CRY1: variants seen among roughly 807,000 people sequenced by gnomAD.
CRY1 encodes the protein cryptochrome circadian regulator 1.
A neutral mutation model predicts 76.0 loss-of-function variants in CRY1; 45 were observed. The observed-to-expected ratio is 0.59, with a 90% CI of 0.47 to 0.76. The LOEUF (loss-of-function observed/expected upper bound fraction) is 0.76. Among genes scored for constraint, CRY1 ranks in the 30% least tolerant of loss-of-function variants. CRY1 has a pLI of 0.00. For missense variants in CRY1, 587 were observed against 716.4 expected, an observed-to-expected ratio of 0.82 and a Z score of 2.06; for synonymous variants, 248 against 244.0, an observed-to-expected ratio of 1.02 and a Z score of -0.15.
At chr12:107,049,217 G>C (rs1345937705) in intron 1 of CRY1, among the ~76,000 whole-genome samples, 1 of 151,984 alleles carries the variant, frequency 6.6e-6, no homozygotes, top group Non-Finnish European at 1.5e-5. Flanking sequence ...TTCCCTTTCA[G>C]CCCAACACAA....
At chr12:107,001,198 T>C (rs1952305028) in intron 5 of CRY1, 82 bp downstream of exon 5, 3 of 1,023,158 alleles carry the variant, frequency 2.9e-6, no homozygotes, top group Non-Finnish European at 4.4e-6. Flanking sequence ...AATCTATTTG[T>C]TATTTTTAAA....
At chr12:107,009,088 G>A (rs958547459) in intron 2 of CRY1, among the ~76,000 whole-genome samples, 5 of 152,104 alleles carry the variant, frequency 3.3e-5, no homozygotes, top group Admixed American at 6.5e-5. Context: ...AAGTATACAC[G>A]GGTGTTGAAT....
At chr12:107,019,970 A>G (rs1952536387) in intron 2 of CRY1, among the ~76,000 whole-genome samples, 1 of 152,176 alleles carries the variant, frequency 6.6e-6, no homozygotes, top group African/African-American at 2.4e-5. Flanking sequence ...CATTTTATTT[A>G]TATCAAACAG....
intron 1 of CRY1, among the ~76,000 whole-genome samples, chr12:107,085,774 C>T (rs998277934): frequency 4.6e-5 from 7 of 151,858 alleles, no homozygotes; most frequent in Non-Finnish European, 1.0e-4. Flanking sequence ...CACATGTATA[C>T]CTACGTAACA....
chr12:107,093,083 G>A lies in CRY1; in HGVS notation c.-122C>T. The stretch of plus-strand genomic sequence containing the variant: ...GGGCGTGAGGAAAGGGCGGCAGAGG[G>A]GGAACAGGAAAAAATGACTCCGAGG... On this transcript the variant is annotated 5_prime_UTR_variant, in exon 1 of 13. Transcript: ENST00000008527. 8.2e-7 allele frequency: 1 copy of A among 1,221,438 alleles called. No individual in the cohort carries two copies. The highest frequency in any genetic ancestry group is 1.1e-6 in the Non-Finnish European group (1 of 914,832). The allele number at this position is 1,221,438 out of a possible 1,614,324, so 75.7% of individuals were successfully genotyped here. A position where few individuals can be genotyped will look rare whatever the true frequency, so the allele number is the denominator to read the frequency against.
chr12:107,049,894 T>C (rs1320988169), intron 1 of CRY1: 1 of 152,174 alleles, frequency 6.6e-6, no homozygotes, highest in African/African-American at 2.4e-5. Flanking sequence ...TAAAATGATG[T>C]ACATAATTCT....
At chr12:107,068,509 G>A (rs989499407) in intron 1 of CRY1, among the ~76,000 whole-genome samples, 1 of 152,016 alleles carries the variant, frequency 6.6e-6, no homozygotes, top group African/African-American at 2.4e-5. Context: ...TGTTGGTCAG[G>A]CTGGTCTCAA....
At chr12:107,058,297 C>G (rs1428459314) in intron 1 of CRY1, among the ~76,000 whole-genome samples, 1 of 152,142 alleles carries the variant, frequency 6.6e-6, no homozygotes, top group African/African-American at 2.4e-5. Flanking sequence ...GATGCACACA[C>G]ACACACTCAC....
intron 1 of CRY1, among the ~76,000 whole-genome samples, chr12:107,078,048 T>G (rs932145552): frequency 6.6e-6 from 1 of 152,234 alleles, no homozygotes; most frequent in African/African-American, 2.4e-5. Context: ...AGAAATAAGA[T>G]GTTAAAACTG....
intron 2 of CRY1, among the ~76,000 whole-genome samples, chr12:107,018,838 T>C (rs1008193225): frequency 4.3e-4 from 65 of 152,180 alleles, no homozygotes; most frequent in African/African-American, 1.5e-3. Context: ...TATATGTGTT[T>C]ACCTAAGTGT....
chr12:107,028,249 G>A (rs942206463), intron 1 of CRY1, among the ~76,000 whole-genome samples: 6 of 152,052 alleles, frequency 3.9e-5, no homozygotes, highest in African/African-American at 1.2e-4. Context: ...AACAATTTGT[G>A]TGTGTGTAAA....
intron 12 of CRY1, 88 bp downstream of exon 12, chr12:106,992,699 T>TA: frequency 2.5e-6 from 3 of 1,187,780 alleles, no homozygotes; most frequent in South Asian, 1.4e-5. Context: ...GGTTTGAAAA[T>TA]AGAGATTTGC....
intron 1 of CRY1, among the ~76,000 whole-genome samples, chr12:107,023,223 C>G (rs1389935949): frequency 3.3e-5 from 5 of 152,148 alleles, no homozygotes; most frequent in Non-Finnish European, 7.4e-5. Context: ...TTATCTCTTA[C>G]TTGTGAAGAG....
chr12:107,087,533 G>T (rs1056939765), intron 1 of CRY1, among the ~76,000 whole-genome samples: 1 of 152,106 alleles, frequency 6.6e-6, no homozygotes, highest in African/African-American at 2.4e-5. Flanking sequence ...GACTTGGGTG[G>T]GTCCCTTTTT....
At position 106,999,641 on chromosome 12, in the gene CRY1, C is replaced by G. The variant is rs769879178; in HGVS notation, c.1047G>C (p.Gln349His). Residue 349 changes from glutamine to histidine, a missense_variant, in exon 7 of 13, where the codon CAG becomes CAC. Coordinates refer to ENST00000008527, the MANE Select transcript of CRY1 (RefSeq NM_004075.5). ...TGGCTAGATGATGAATCCAACCCTC[C>G]TGACGAAGCTGTGTCATGATGGCAT... ...WIDAIMTQLR[Q>H]EGWIHHLARH... 2 of 1,614,278 alleles carry G rather than the reference C, an allele frequency of 1.2e-6. No individual in the cohort carries two copies. Among genetic ancestry groups the G allele is most frequent in the South Asian group, 2.2e-5 (2 of 91,088 alleles).
At chr12:107,000,354 CT>C (rs1008918970) in intron 5 of CRY1, among the ~76,000 whole-genome samples, 82 of 146,860 alleles carry the variant, frequency 5.6e-4, no homozygotes, top group Admixed American at 6.8e-4. Context: ...ATCTCTCTCT[CT>C]TTTTTTTTTT....
intron 2 of CRY1, among the ~76,000 whole-genome samples, chr12:107,010,321 AC>A (rs1404131812): frequency 6.6e-6 from 1 of 152,102 alleles, no homozygotes. Flanking sequence ...TTTTCAAAGA[AC>A]CCGTTTTTGG....
chr12:107,082,475 G>A (rs10778529), intron 1 of CRY1, among the ~76,000 whole-genome samples: 83,423 of 151,846 alleles, frequency 0.55, 23,249 homozygotes, highest in East Asian at 0.73. Flanking sequence ...TGCAAATAAC[G>A]GAAATCATAA....
chr12:107,092,754 A>G (rs754765618), intron 1 of CRY1, 50 bp downstream of exon 1: 17 of 1,603,604 alleles, frequency 1.1e-5, no homozygotes, highest in Admixed American at 1.7e-5. Flanking sequence ...ATTCATTAAC[A>G]TCAGACTCAT....
Sources: allele counts gnomAD v4.1 joint callset (sites outside exome capture counted in the v4.1 genomes callset), GRCh38; gene constraint gnomAD v4.1.1; transcripts MANE v1.5; gene names NCBI Gene and HGNC (gene_info 2026-07-23, HGNC 2026-07-21).